The following ADGRA3 variants were observed in gnomAD, a reference collection of about 807,000 sequenced individuals.
ADGRA3 encodes adhesion G protein-coupled receptor A3, also known as G-protein coupled receptor 125.
ADGRA3 carries 56 observed loss-of-function variants against 119.8 expected under a neutral mutation model. The ratio of observed to expected loss-of-function variants is 0.47; its 90% confidence interval spans 0.38 to 0.58. The LOEUF (loss-of-function observed/expected upper bound fraction) is 0.58. ADGRA3 is among the 20% of genes least tolerant of loss of function. ADGRA3 has a pLI of 0.00. For missense variants in ADGRA3, 1,516 were observed against 1,649.0 expected, an observed-to-expected ratio of 0.92 and a Z score of 1.40; for synonymous variants, 607 against 623.8, an observed-to-expected ratio of 0.97 and a Z score of 0.40.
At position 22,413,496 on chromosome 4, in the gene ADGRA3, T is replaced by C. The variant is rs1008423708; in HGVS notation, c.2023+105A>G. ...ACTCTGCAAGATCTTTCTTCACTAGTGACTCATTAAAACGAGAAAACACTA... is the reference window on the plus strand; with the variant it reads ...ACTCTGCAAGATCTTTCTTCACTAGCGACTCATTAAAACGAGAAAACACTA... On this transcript the variant is annotated intron_variant, in intron 13 of 18. Coordinates refer to ENST00000334304, the MANE Select transcript of ADGRA3 (RefSeq NM_145290.4). 6.6e-6 allele frequency: 9 copies of C among 1,363,966 alleles called. No individual in the cohort carries two copies. In the Admixed American group the frequency reaches 8.8e-5, roughly 13 times the overall value. The allele number at this position is 1,363,966 out of a possible 1,614,324, so 84.5% of individuals were successfully genotyped here. A position where few individuals can be genotyped will look rare whatever the true frequency, so the allele number is the denominator to read the frequency against.
At chr4:22,436,687 G>A (rs745920854) in intron 8 of ADGRA3, 46 bp from the exon 9 acceptor site, 1 of 1,496,214 alleles carries the variant, frequency 6.7e-7, no homozygotes, top group Middle Eastern at 1.8e-4. Flanking sequence ...AATGACACGG[G>A]TACATCAAGA....
intron 10 of ADGRA3, among the ~76,000 whole-genome samples, chr4:22,433,632 G>A (rs1176236615): frequency 6.6e-6 from 1 of 152,162 alleles, no homozygotes; most frequent in African/African-American, 2.4e-5. Flanking sequence ...GTTGGGAGGT[G>A]AGCAAAACAG....
At position 22,387,805 on chromosome 4, in the gene ADGRA3, T is replaced by C. The variant is rs765147381; in HGVS notation, c.3866A>G (p.Asn1289Ser). The C allele has an allele frequency of 3.7e-6, 6 of 1,614,158 alleles. No individual in the cohort carries two copies. In the Admixed American group the frequency reaches 1.0e-4, roughly 27 times the overall value. The change falls in exon 19 of 19, where the codon AAT (asparagine) becomes AGT (serine). Residue 1289 changes from asparagine to serine, a missense_variant. Asn to Ser is a conservative substitution (Grantham distance 46, BLOSUM62 1). This residue lies in a region of ADGRA3 where 1,088 missense variants were observed against 1,107.1 expected (regional missense o/e 0.98). Transcript: ENST00000334304. ...KSYGLNLAIQ[N>S]GPIKSNGQEG... ...CTGCCCATTGCTTTTAATTGGTCCATTCTGAATGGCCAAGTTGAGGCCATA... is the reference window on the plus strand; with the variant it reads ...CTGCCCATTGCTTTTAATTGGTCCACTCTGAATGGCCAAGTTGAGGCCATA...
At position 22,413,648 on chromosome 4, in the gene ADGRA3, T is replaced by G. The variant is rs1715308950; in HGVS notation, c.1976A>C (p.Asp659Ala). ...GGTAACCACAGTACGTCGTTTTCCA[T>G]CATCAGCCAAATTTGTTGAATTTCC... is the stretch of plus-strand genomic sequence containing the variant. ...ATGNSTNLAD[D>A]GKRRTVVTPV... Residue 659 changes from aspartate (D) to alanine (A), a missense_variant, in exon 13 of 19, where the codon GAT becomes GCT. This residue lies in a region of ADGRA3 where 1,088 missense variants were observed against 1,107.1 expected (regional missense o/e 0.98). Coordinates refer to ENST00000334304, the MANE Select transcript of ADGRA3 (RefSeq NM_145290.4). 5.6e-6 allele frequency: 9 copies of G among 1,613,924 alleles called. No homozygotes were observed. The highest frequency in any genetic ancestry group is 1.3e-5 in the African/African-American group (1 of 74,936).
In ADGRA3 at chr4:22,396,738, A is replaced by C. The variant is rs141448731; in HGVS notation, c.2482-4048T>G. ...AAGGGAAACACATTATAAACATAGA[A>C]GAGAACGACAATGAAACGTCTAGAC... On this transcript the variant is annotated intron_variant, in intron 16 of 18. Transcript: ENST00000334304. Among the ~76,000 whole-genome samples the C allele has an allele frequency of 6.1e-5, 9 of 147,470 alleles. No homozygotes were observed. The East Asian group carries it at 1.7e-3, about 27-fold the overall frequency.
At chr4:22,475,950 G>A (rs932711118) in intron 1 of ADGRA3, among the ~76,000 whole-genome samples, 3 of 151,940 alleles carry the variant, frequency 2.0e-5, no homozygotes, top group African/African-American at 7.3e-5. Context: ...TTTAAAAAAT[G>A]TTTTCTGAAG....
intron 1 of ADGRA3, among the ~76,000 whole-genome samples, chr4:22,474,064 T>A (rs1717954238): frequency 6.6e-6 from 1 of 152,188 alleles, no homozygotes; most frequent in Non-Finnish European, 1.5e-5. Context: ...ATTATTTCTA[T>A]CACACATAAT....
At chr4:22,459,951 C>T (rs1717381686) in intron 3 of ADGRA3, among the ~76,000 whole-genome samples, 1 of 152,128 alleles carries the variant, frequency 6.6e-6, no homozygotes, top group Non-Finnish European at 1.5e-5. Context: ...CTTCAAAATC[C>T]CAGTCCCTGA....
chr4:22,428,632 C>T (rs983390528), intron 10 of ADGRA3, among the ~76,000 whole-genome samples: 10 of 152,216 alleles, frequency 6.6e-5, no homozygotes, highest in African/African-American at 1.7e-4. Context: ...GTAGTCTTCA[C>T]GATGTTCTCC....
chr4:22,439,965 T>A (rs1221909683), intron 7 of ADGRA3, among the ~76,000 whole-genome samples: 1 of 152,192 alleles, frequency 6.6e-6, no homozygotes, highest in Non-Finnish European at 1.5e-5. Context: ...GTAACACACA[T>A]AAATTTGAAA....
intron 1 of ADGRA3, among the ~76,000 whole-genome samples, chr4:22,512,865 G>C (rs1560355504): frequency 6.6e-6 from 1 of 151,942 alleles, no homozygotes; most frequent in Non-Finnish European, 1.5e-5. Context: ...CTAACACACA[G>C]TCCAAACTTC....
intron 12 of ADGRA3, among the ~76,000 whole-genome samples, chr4:22,418,819 AG>A (rs1715534199): frequency 6.6e-6 from 1 of 152,146 alleles, no homozygotes; most frequent in African/African-American, 2.4e-5. Context: ...CCAGGCCTTC[AG>A]GTGTGAAATG....
intron 1 of ADGRA3, among the ~76,000 whole-genome samples, chr4:22,509,976 C>G (rs887048096): frequency 6.9e-6 from 1 of 144,556 alleles, no homozygotes; most frequent in Non-Finnish European, 1.5e-5. Context: ...CGCCACTGCA[C>G]TCCAGCCTGG....
rs770852914 is a variant in ADGRA3, at chr4:22,436,531, C to A, written c.1196G>T (p.Arg399Ile). Reference sequence around the variant, plus strand: ...TGCCCAAAAGCCACCTCTATCACATCTGCGCCAAGCTTTTCTCTCATCCTG... The same window carrying A: ...TGCCCAAAAGCCACCTCTATCACATATGCGCCAAGCTTTTCTCTCATCCTG... ...NPQDERKAWR[R>I]CDRGGFWADD... Residue 399 changes from arginine to isoleucine, a missense_variant, in exon 9 of 19, where the codon AGA becomes ATA. Coordinates refer to ENST00000334304, the MANE Select transcript of ADGRA3 (RefSeq NM_145290.4). The A allele has an allele frequency of 1.2e-5, 19 of 1,613,620 alleles. No individual in the cohort carries two copies. Among genetic ancestry groups the A allele is most frequent in the Admixed American group, 1.7e-5 (1 of 59,984 alleles).
At chr4:22,487,076 A>G (rs112192602) in intron 1 of ADGRA3, among the ~76,000 whole-genome samples, 20 of 152,334 alleles carry the variant, frequency 1.3e-4, no homozygotes, top group African/African-American at 4.3e-4. Context: ...GAAAAGGTCA[A>G]CAGCATCTGC....
intron 14 of ADGRA3, among the ~76,000 whole-genome samples, chr4:22,403,217 A>G (rs1269392856): frequency 3.3e-5 from 5 of 151,994 alleles, no homozygotes; most frequent in Admixed American, 3.3e-4. Flanking sequence ...ACAAAGCCCA[A>G]AGACACCTAA....
chr4:22,515,508 G>A lies in ADGRA3; in HGVS notation c.257+20C>T, dbSNP rs370617513. 189 of 1,600,880 alleles carry A rather than the reference G, an allele frequency of 1.2e-4. No homozygotes were observed. The highest frequency in any genetic ancestry group is 9.9e-4 in the Admixed American group (59 of 59,384). ...AAAGAGCCGAGCGGGAGAGGACCCAGCGTCGCGGGAGATACTCACAGGGTG... is the reference window on the plus strand; with the variant it reads ...AAAGAGCCGAGCGGGAGAGGACCCAACGTCGCGGGAGATACTCACAGGGTG... On this transcript the variant is annotated intron_variant, in intron 1 of 18. Coordinates refer to ENST00000334304, the MANE Select transcript of ADGRA3 (RefSeq NM_145290.4).
At chr4:22,453,005 T>C (rs367630890) in intron 4 of ADGRA3, among the ~76,000 whole-genome samples, 1 of 151,472 alleles carries the variant, frequency 6.6e-6, no homozygotes, top group African/African-American at 2.4e-5. Context: ...AAGACCAGCC[T>C]GGCCAAGATG....
At position 22,417,635 on chromosome 4, in the gene ADGRA3, A is replaced by G. The variant is rs960061196; in HGVS notation, c.1809+3251T>C. 3.9e-5 allele frequency among the ~76,000 whole-genome samples: 6 copies of G among 152,186 alleles called. No individual in the cohort carries two copies. In the East Asian group the frequency reaches 1.2e-3, roughly 29 times the overall value. On this transcript the variant is annotated intron_variant, in intron 12 of 18. Transcript: ENST00000334304. ...CTGGCTACAGAGAGACCACAGTCTT[A>G]GTCACTGTATCATATGGCCTCTCAT... is the stretch of plus-strand genomic sequence containing the variant.
Sources: gnomAD v4.1 joint callset for allele counts (sites outside exome capture counted in the v4.1 genomes callset) on GRCh38, gnomAD v4.1.1 for gene constraint, gnomAD v4.1.1 regional missense constraint, MANE v1.5 for transcripts, NCBI Gene and HGNC (gene_info 2026-07-23, HGNC 2026-07-21) for gene names.